The following ANXA4 variants were observed in gnomAD, a reference collection of about 807,000 sequenced individuals.
ANXA4 encodes 35-beta calcimedin.
ANXA4 carries 39 observed loss-of-function variants against 49.8 expected under a neutral mutation model. The observed-to-expected ratio is 0.78, with a 90% CI of 0.61 to 1.02. The LOEUF is 1.02. Ranked by LOEUF, ANXA4 falls within the 50% of genes least tolerant of loss-of-function variation. The probability of loss-of-function intolerance (pLI) is 0.00; values close to 1 mark genes in which losing one functional copy is unlikely to be tolerated. For synonymous variants in ANXA4, 134 were observed against 152.5 expected (o/e 0.88, Z 0.89); for missense variants, 360 against 410.1 (o/e 0.88, Z 1.05).
At chr2:69,725,702 G>C (rs1029769928) in intron 3 of ANXA4, among the ~76,000 whole-genome samples, 2 of 152,258 alleles carry the variant, frequency 1.3e-5, no homozygotes, top group South Asian at 4.1e-4. Flanking sequence ...GGAGTGTGTG[G>C]CCTTCAGGCT....
chr2:69,713,846 A>T (rs140457355), intron 2 of ANXA4: 3 of 152,242 alleles, frequency 2.0e-5, no homozygotes, highest in Non-Finnish European at 4.4e-5. Flanking sequence ...AGAATGGGGG[A>T]AAAACGGTTA....
intron 1 of ANXA4, among the ~76,000 whole-genome samples, chr2:69,771,455 C>G (rs1011642663): frequency 3.3e-5 from 5 of 152,170 alleles, no homozygotes; most frequent in Non-Finnish European, 5.9e-5. Context: ...CCGTTCTTTC[C>G]CATTAAAATG....
chr2:69,808,137 G>A (rs1673529402), intron 6 of ANXA4, 141 bp downstream of exon 6: 2 of 747,350 alleles, frequency 2.7e-6, no homozygotes. Flanking sequence ...CTGCTTCGAG[G>A]GAGATCCCTG....
At chr2:69,671,410 G>T (rs929929349) in intron 2 of ANXA4, among the ~76,000 whole-genome samples, 3 of 152,146 alleles carry the variant, frequency 2.0e-5, no homozygotes, top group Non-Finnish European at 2.9e-5. Context: ...GACCTGTCAA[G>T]ACATTTTACA....
intron 2 of ANXA4, among the ~76,000 whole-genome samples, chr2:69,662,917 A>G (rs569454309): frequency 6.6e-6 from 1 of 152,236 alleles, no homozygotes; most frequent in South Asian, 2.1e-4. Context: ...TAAATACTGC[A>G]TGAGACATAC....
At position 69,766,266 on chromosome 2, in the gene ANXA4, G is replaced by T. The variant is rs372756655; in HGVS notation, c.-46-15254G>T. Among the ~76,000 whole-genome samples, 127 of 152,354 alleles carry T rather than the reference G, an allele frequency of 8.3e-4. 1 individual carries two copies. Among genetic ancestry groups the T allele is most frequent in the African/African-American group, 2.8e-3 (117 of 41,586 alleles). Reference sequence around the variant, plus strand: ...AAACAGGTAATGCTAGAATACTGTAGATGTGATAAAGATTACTTGGAGAGA... The same window carrying T: ...AAACAGGTAATGCTAGAATACTGTATATGTGATAAAGATTACTTGGAGAGA... On this transcript the variant is annotated intron_variant, in intron 1 of 12. Transcript: ENST00000394295.
At chr2:69,700,719 T>C (rs897077210) in intron 2 of ANXA4, among the ~76,000 whole-genome samples, 1 of 152,246 alleles carries the variant, frequency 6.6e-6, no homozygotes, top group African/African-American at 2.4e-5. Context: ...CATAATTATT[T>C]AGTGAATTCA....
At chr2:69,748,327 C>T (rs990790745) in intron 1 of ANXA4, among the ~76,000 whole-genome samples, 9 of 150,802 alleles carry the variant, frequency 6.0e-5, no homozygotes, top group African/African-American at 1.7e-4. Context: ...TGCAGTGAGC[C>T]GAGATCACGC....
chr2:69,657,505 C>T (rs936267425), intron 2 of ANXA4, among the ~76,000 whole-genome samples: 6 of 152,146 alleles, frequency 3.9e-5, no homozygotes, highest in African/African-American at 1.4e-4. Context: ...CATCATCCTA[C>T]TTATTCTCCA....
At chr2:69,767,709 T>C (rs887722492) in intron 1 of ANXA4, among the ~76,000 whole-genome samples, 1 of 152,220 alleles carries the variant, frequency 6.6e-6, no homozygotes, top group Non-Finnish European at 1.5e-5. Flanking sequence ...CCGTCAAAAG[T>C]GTGGTCCAGT....
chr2:69,712,340 C>G (rs1293317858), intron 2 of ANXA4, among the ~76,000 whole-genome samples: 1 of 152,216 alleles, frequency 6.6e-6, no homozygotes, highest in Non-Finnish European at 1.5e-5. Context: ...TCTCTTGGTC[C>G]TTTACATTCC....
chr2:69,701,205 C>T (rs1678320302), intron 2 of ANXA4, among the ~76,000 whole-genome samples: 1 of 151,924 alleles, frequency 6.6e-6, no homozygotes, highest in African/African-American at 2.4e-5. Flanking sequence ...GCAAAAGACA[C>T]CTAAAAATTA....
intron 3 of ANXA4, among the ~76,000 whole-genome samples, chr2:69,731,980 CTT>C (rs11425067): frequency 2.5e-5 from 3 of 120,148 alleles, no homozygotes; most frequent in Admixed American, 9.3e-5. Context: ...TCTTTTCTTT[CTT>C]TTTTTTTTTT....
chr2:69,787,949 T>C, intron 2 of ANXA4, 105 bp from the exon 3 acceptor site: 2 of 955,312 alleles, frequency 2.1e-6, no homozygotes, highest in East Asian at 4.9e-5. Flanking sequence ...GCACCTAGAA[T>C]ACCATCTAGG....
intron 2 of ANXA4, among the ~76,000 whole-genome samples, chr2:69,715,236 G>GTCT (rs1678840032): frequency 6.6e-6 from 1 of 152,018 alleles, no homozygotes; most frequent in African/African-American, 2.4e-5. Context: ...TTGAAATGGA[G>GTCT]TCTCGCTCTG....
At position 69,758,026 on chromosome 2, in the gene ANXA4, C is replaced by A. The variant is rs1671133774; in HGVS notation, c.-47+15851C>A. On this transcript the variant is annotated intron_variant, in intron 1 of 12. Transcript: ENST00000394295. ...CCACCTGCAGTACAGGAGAGTATACCCAATATTGTGTCTTACTCTTTTTCA... is the reference window on the plus strand; with the variant it reads ...CCACCTGCAGTACAGGAGAGTATACACAATATTGTGTCTTACTCTTTTTCA... Among the ~76,000 whole-genome samples the A allele has an allele frequency of 2.6e-5, 4 of 151,624 alleles. No individual in the cohort carries two copies. The East Asian group carries it at 7.8e-4, about 29-fold the overall frequency.
chr2:69,691,441 C>T (rs757925909), intron 2 of ANXA4, among the ~76,000 whole-genome samples: 38 of 151,964 alleles, frequency 2.5e-4, no homozygotes, highest in Admixed American at 2.0e-3. Flanking sequence ...CACTGAAAAA[C>T]GGATGCACCT....
chr2:69,668,871 A>T (rs1677042975), intron 2 of ANXA4, among the ~76,000 whole-genome samples: 1 of 152,026 alleles, frequency 6.6e-6, no homozygotes, highest in Non-Finnish European at 1.5e-5. Context: ...TATAGTCATC[A>T]TGTATTTTCT....
chr2:69,806,242 C>G (rs1673436610), intron 4 of ANXA4, 143 bp from the exon 5 acceptor site: 1 of 605,700 alleles, frequency 1.7e-6, no homozygotes, highest in East Asian at 2.8e-5. Flanking sequence ...CAAATAACAT[C>G]TGAGTGTTAT....
Sources: gnomAD v4.1 joint callset for allele counts (sites outside exome capture counted in the v4.1 genomes callset) on GRCh38, gnomAD v4.1.1 for gene constraint, MANE v1.5 for transcripts, NCBI Gene and HGNC (gene_info 2026-07-23, HGNC 2026-07-21) for gene names.